The following GLT1D1 variants were observed in gnomAD, a reference collection of about 807,000 sequenced individuals.
GLT1D1 encodes glycosyltransferase 1 domain-containing protein 1.
A neutral mutation model predicts 28.7 loss-of-function variants in GLT1D1; 21 were observed. That is an observed-to-expected ratio of 0.73 (90% CI 0.52 to 1.05). The LOEUF (loss-of-function observed/expected upper bound fraction) is 1.05, where lower values mean the gene tolerates loss of function less well. Among genes scored for constraint, GLT1D1 ranks in the 50% least tolerant of loss-of-function variants. The pLI is 0.00. For missense variants in GLT1D1, 343 were observed against 330.6 expected, an observed-to-expected ratio of 1.04 and a Z score of -0.29; for synonymous variants, 147 against 124.8, an observed-to-expected ratio of 1.18 and a Z score of -1.19.
chr12:128,857,802 A>G (rs1956259906), intron 1 of GLT1D1, among the ~76,000 whole-genome samples: 5 of 152,370 alleles, frequency 3.3e-5, no homozygotes, highest in Middle Eastern at 3.4e-3. Context: ...AAGGGGTTCT[A>G]TTCTTGCACA....
At chr12:128,978,749 A>T (rs2135556954) in intron 7 of GLT1D1, among the ~76,000 whole-genome samples, 1 of 152,280 alleles carries the variant, frequency 6.6e-6, no homozygotes, top group East Asian at 1.9e-4. Context: ...TAGACAGAGC[A>T]CCGTGAGGGC....
intron 4 of GLT1D1, among the ~76,000 whole-genome samples, chr12:128,923,629 A>G (rs1309671251): frequency 6.6e-6 from 1 of 151,206 alleles, no homozygotes; most frequent in Non-Finnish European, 1.5e-5. Flanking sequence ...TTAAGCGATT[A>G]TCCTGCCTCA....
At chr12:128,854,246 C>G (rs1468585110) in intron 1 of GLT1D1, among the ~76,000 whole-genome samples, 1 of 151,934 alleles carries the variant, frequency 6.6e-6, no homozygotes, top group Non-Finnish European at 1.5e-5. Context: ...AACGCAAGCC[C>G]GGCGGGGGCC....
At chr12:128,931,004 T>G (rs1416952839) in intron 4 of GLT1D1, among the ~76,000 whole-genome samples, 3 of 151,674 alleles carry the variant, frequency 2.0e-5, no homozygotes, top group Admixed American at 1.3e-4. Flanking sequence ...CACCCTTTTT[T>G]TTTTTTTTTT....
intron 2 of GLT1D1, among the ~76,000 whole-genome samples, chr12:128,881,561 AATAT>A (rs1174737837): frequency 0.024 from 811 of 33,528 alleles, 14 homozygotes; most frequent in Admixed American, 0.042. Flanking sequence ...AAAAAAAAAA[AATAT>A]ATATATATAT....
intron 2 of GLT1D1, among the ~76,000 whole-genome samples, chr12:128,881,134 G>A (rs1299839648): frequency 2.7e-5 from 4 of 150,146 alleles, no homozygotes; most frequent in Admixed American, 6.7e-5. Context: ...TGAGGAAGGC[G>A]AGTGGCGTGA....
chr12:128,978,477 G>A (rs1015981759), intron 7 of GLT1D1, among the ~76,000 whole-genome samples: 15 of 152,280 alleles, frequency 9.9e-5, no homozygotes, highest in African/African-American at 3.4e-4. Context: ...CAGTGGATCC[G>A]GGCTCCCCAT....
chr12:128,935,424 C>T (rs1458451627), intron 4 of GLT1D1, among the ~76,000 whole-genome samples: 1 of 151,716 alleles, frequency 6.6e-6, no homozygotes, highest in African/African-American at 2.4e-5. Context: ...GCCTGTAATC[C>T]CAGCTACTCA....
Position 128,983,267 on chromosome 12 carries a change from T to G in GLT1D1, c.*177T>G, listed in dbSNP as rs1332438459. The G allele has an allele frequency of 6.8e-6, 4 of 590,402 alleles. No individual in the cohort carries two copies. The highest frequency in any genetic ancestry group is 1.2e-5 in the Non-Finnish European group (4 of 334,346). The allele number at this position is 590,402 out of a possible 1,614,324, so 36.6% of individuals were successfully genotyped here. On this transcript the variant is annotated 3_prime_UTR_variant, in exon 8 of 8. Coordinates refer to ENST00000281703, the MANE Select transcript of GLT1D1 (RefSeq NM_144669.3). This position sits in a 1 kb window ranked among gnomAD's most constrained non-coding sequence, Gnocchi z 4.7. ...ACTGCATTCATCCCATATCCTTCTG[T>G]GCGTTCAGATGCTGTCCCAGGCGTG...
intron 7 of GLT1D1, among the ~76,000 whole-genome samples, chr12:128,974,008 G>T (rs1035505554): frequency 2.7e-5 from 4 of 150,926 alleles, no homozygotes; most frequent in African/African-American, 9.8e-5. Flanking sequence ...TGCTCAGAGG[G>T]GGACAGTCTG....
intron 4 of GLT1D1, among the ~76,000 whole-genome samples, chr12:128,905,616 CT>C (rs1256427628): frequency 4.6e-5 from 7 of 152,160 alleles, no homozygotes; most frequent in Non-Finnish European, 1.0e-4. Context: ...TTTGAAATGC[CT>C]TTGTTTATGC....
intron 1 of GLT1D1, among the ~76,000 whole-genome samples, chr12:128,859,478 C>T (rs1287826564): frequency 6.6e-6 from 1 of 152,198 alleles, no homozygotes; most frequent in Non-Finnish European, 1.5e-5. Context: ...TTCGCTGTCA[C>T]CACTAGTGTT....
At position 128,983,885 on chromosome 12, in the gene GLT1D1, C is replaced by T. The variant is rs771072532; in HGVS notation, c.*795C>T. On this transcript the variant is annotated 3_prime_UTR_variant, in exon 8 of 8. Coordinates refer to ENST00000281703, the MANE Select transcript of GLT1D1 (RefSeq NM_144669.3). This position sits in a 1 kb window ranked among gnomAD's most constrained non-coding sequence, Gnocchi z 4.7. ...ACCCGGGGATGGATGTCGGAAGGGT[C>T]ACCAGCCTCCAGCCTTTGGCAGGAT... The T allele has an allele frequency of 6.6e-6, 1 of 152,284 alleles. No individual in the cohort carries two copies. The highest frequency in any genetic ancestry group is 1.9e-4 in the East Asian group (1 of 5,192). The allele number at this position is 152,284 out of a possible 1,614,324, so 9.4% of individuals were successfully genotyped here. A position where few individuals can be genotyped will look rare whatever the true frequency, so the allele number is the denominator to read the frequency against.
At chr12:128,874,102 C>CTTTGTT (rs1566091147) in intron 1 of GLT1D1, among the ~76,000 whole-genome samples, 1 of 40,118 alleles carries the variant, frequency 2.5e-5, no homozygotes, top group African/African-American at 1.2e-4. Flanking sequence ...CTTTCTTTCT[C>CTTTGTT]TCTCTCTCTC....
At chr12:128,957,406 G>C in intron 6 of GLT1D1, 139 bp from the exon 11 acceptor site, 1 of 591,008 alleles carries the variant, frequency 1.7e-6, no homozygotes, top group Non-Finnish European at 3.1e-6. Flanking sequence ...TTGGGATATC[G>C]TTTTGGAAAG....
At chr12:128,857,562 C>T (rs566208036) in intron 1 of GLT1D1, among the ~76,000 whole-genome samples, 2 of 150,766 alleles carry the variant, frequency 1.3e-5, no homozygotes, top group East Asian at 2.0e-4. Context: ...CCTGGACGGG[C>T]GGGGAGGGAG....
intron 7 of GLT1D1, among the ~76,000 whole-genome samples, chr12:128,967,702 C>T (rs1307834431): frequency 1.3e-5 from 2 of 152,228 alleles, no homozygotes; most frequent in African/African-American, 2.4e-5. Context: ...ACTCTTACTT[C>T]GAGTTACGTT....
chr12:128,878,673 T>C (rs909341053), intron 2 of GLT1D1, among the ~76,000 whole-genome samples: 1 of 152,028 alleles, frequency 6.6e-6, no homozygotes, highest in Non-Finnish European at 1.5e-5. Context: ...AGTGATACAA[T>C]CTTGGCTCAC....
At chr12:128,901,466 T>G (rs970319579) in intron 4 of GLT1D1, among the ~76,000 whole-genome samples, 5 of 148,766 alleles carry the variant, frequency 3.4e-5, no homozygotes, top group Non-Finnish European at 7.4e-5. Flanking sequence ...AGATGGAGTC[T>G]CGCTCTGTCG....
Sources: allele counts gnomAD v4.1 joint callset (sites outside exome capture counted in the v4.1 genomes callset), GRCh38; gene constraint gnomAD v4.1.1; non-coding constraint Gnocchi (gnomAD v3.1); transcripts MANE v1.5; gene names NCBI Gene and HGNC (gene_info 2026-07-23, HGNC 2026-07-21).